The following ATG3 variants were observed in gnomAD, a reference collection of about 807,000 sequenced individuals.
ATG3 encodes autophagy related 3, also known as ubiquitin-like-conjugating enzyme ATG3.
Under a neutral mutation model 50.7 loss-of-function variants are expected in ATG3, and 25 were observed. The ratio of observed to expected loss-of-function variants is 0.49; its 90% CI spans 0.36 to 0.69. The LOEUF (loss-of-function observed/expected upper bound fraction) is 0.69. Among genes scored for constraint, ATG3 ranks in the 30% least tolerant of loss-of-function variants. The probability of loss-of-function intolerance (pLI) is 0.00; values close to 1 mark genes in which losing one functional copy is unlikely to be tolerated. For synonymous variants in ATG3, 119 were observed against 125.5 expected, an observed-to-expected ratio of 0.95 and a Z score of 0.34; for missense variants, 281 against 376.0, an observed-to-expected ratio of 0.75 and a Z score of 2.09.
chr3:112,547,979 CTTTT>C (rs893516783), intron 5 of ATG3, among the ~76,000 whole-genome samples: 1 of 151,992 alleles, frequency 6.6e-6, no homozygotes, highest in Non-Finnish European at 1.5e-5. Flanking sequence ...CTCTGACGGT[CTTTT>C]TTTTCCCTCT....
At position 112,536,291 on chromosome 3, in the gene ATG3, GT is replaced by G. The variant is rs34127416; in HGVS notation, c.794+183del. The G allele has an allele frequency of 2.5e-4, 162 of 653,628 alleles. 2 individuals are homozygous for G. In the South Asian group the frequency reaches 3.7e-3, roughly 15 times the overall value. The allele number at this position is 653,628 out of a possible 1,614,324, so 40.5% of individuals were successfully genotyped here. On this transcript the variant is annotated intron_variant, in intron 10 of 11. Coordinates refer to ENST00000283290, the MANE Select transcript of ATG3 (RefSeq NM_022488.5). ...TATTAAACTTAAAACAAATTGGTAA[GT>G]TTTTTTTCCTTTTTCTTATATATTT... is the stretch of plus-strand genomic sequence containing the variant.
intron 2 of ATG3, among the ~76,000 whole-genome samples, chr3:112,554,956 G>C (rs1559848528): frequency 6.6e-6 from 1 of 152,038 alleles, no homozygotes; most frequent in Non-Finnish European, 1.5e-5. Flanking sequence ...AAAAACAATA[G>C]TCTCTTCCCC....
At chr3:112,539,408 C>CA (rs1321251525) in intron 7 of ATG3, among the ~76,000 whole-genome samples, 1 of 152,158 alleles carries the variant, frequency 6.6e-6, no homozygotes, top group Non-Finnish European at 1.5e-5. Context: ...GTTCCCACCT[C>CA]AGTACCTTTG....
intron 6 of ATG3, among the ~76,000 whole-genome samples, chr3:112,543,175 G>C (rs1457175321): frequency 2.0e-5 from 3 of 151,968 alleles, no homozygotes; most frequent in Non-Finnish European, 2.9e-5. Context: ...TGTAGCAAAA[G>C]TGTCATAAGA....
intron 3 of ATG3, among the ~76,000 whole-genome samples, chr3:112,552,086 T>A (rs528528728): frequency 6.7e-6 from 1 of 149,880 alleles, no homozygotes; most frequent in Admixed American, 6.7e-5. Flanking sequence ...ACATTATCAA[T>A]TGGAAACTTA....
chr3:112,558,494 GCCTGGTGC>G, intron 1 of ATG3, 77 bp from the exon 2 acceptor site: 2 of 1,180,882 alleles, frequency 1.7e-6, no homozygotes, highest in Non-Finnish European at 2.5e-6. Context: ...GCAATTATTT[GCCTGGTGC>G]CCTTCTAGGC....
At chr3:112,556,464 G>A (rs1322910127) in intron 2 of ATG3, among the ~76,000 whole-genome samples, 37 of 151,622 alleles carry the variant, frequency 2.4e-4, no homozygotes, top group Non-Finnish European at 2.5e-4. Flanking sequence ...ACCTCTGCCC[G>A]GCCGCCCCTA....
chr3:112,537,575 A>G (rs1933104145), intron 9 of ATG3, 160 bp downstream of exon 9: 3 of 509,150 alleles, frequency 5.9e-6, no homozygotes, highest in Admixed American at 7.8e-5. Flanking sequence ...TTCATTCAAA[A>G]TAAGAAAGAA....
At chr3:112,539,363 A>C (rs1933162913) in intron 7 of ATG3, among the ~76,000 whole-genome samples, 2 of 152,170 alleles carry the variant, frequency 1.3e-5, no homozygotes, top group South Asian at 4.1e-4. Context: ...TCTGGACATA[A>C]GCATACCTTA....
At position 112,537,838 on chromosome 3, in the gene ATG3, G is replaced by T. The variant is rs754557566; in HGVS notation, c.563C>A (p.Ala188Asp). ...TTGCAAAATAGCATCTTCACCGCCAGCATCAGTTTTGGCTTTACAAGCTTC... is the reference window on the plus strand; with the variant it reads ...TTGCAAAATAGCATCTTCACCGCCATCATCAGTTTTGGCTTTACAAGCTTC... ...IVEACKAKTD[A>D]GGEDAILQTR... The change falls in exon 9 of 12, where the codon GCT becomes GAT. Residue 188 changes from alanine to aspartate, a missense_variant. Coordinates refer to ENST00000283290, the MANE Select transcript of ATG3 (RefSeq NM_022488.5). 3 of 1,612,692 alleles carry T rather than the reference G, an allele frequency of 1.9e-6. No homozygotes were observed. Among genetic ancestry groups the T allele is most frequent in the South Asian group, 1.1e-5 (1 of 90,596 alleles).
At chr3:112,541,688 C>A in intron 7 of ATG3, 115 bp downstream of exon 7, 1 of 851,510 alleles carries the variant, frequency 1.2e-6, no homozygotes, top group Non-Finnish European at 1.9e-6. Flanking sequence ...AAAACACTCA[C>A]TAGGCTGCTA....
intron 8 of ATG3, 83 bp from the exon 9 acceptor site, chr3:112,537,973 A>G: frequency 7.2e-7 from 1 of 1,382,208 alleles, no homozygotes; most frequent in South Asian, 1.3e-5. Context: ...TTTCCATTCT[A>G]TATTTTGTTT....
chr3:112,555,148 C>T (rs1933631103), intron 2 of ATG3, among the ~76,000 whole-genome samples: 1 of 152,062 alleles, frequency 6.6e-6, no homozygotes, highest in Non-Finnish European at 1.5e-5. Flanking sequence ...ATCTCATAGT[C>T]CCTATAGTAT....
intron 5 of ATG3, among the ~76,000 whole-genome samples, chr3:112,547,231 T>C (rs146849832): frequency 6.6e-6 from 1 of 152,214 alleles, no homozygotes; most frequent in Non-Finnish European, 1.5e-5. Context: ...CATTCTACAA[T>C]GCACAGAAAA....
At chr3:112,549,842 T>C (rs1290291998) in intron 4 of ATG3, among the ~76,000 whole-genome samples, 2 of 151,986 alleles carry the variant, frequency 1.3e-5, no homozygotes, top group African/African-American at 4.8e-5. Flanking sequence ...AAAATATTTT[T>C]GTGTCCTTCA....
In ATG3 at chr3:112,550,154, T is replaced by C. The variant is rs753832116; in HGVS notation, c.235+38A>G. 2.7e-6 allele frequency: 4 copies of C among 1,481,302 alleles called. No homozygotes were observed. The East Asian group carries it at 6.9e-5, about 26-fold the overall frequency. The allele number at this position is 1,481,302 out of a possible 1,614,324, so 91.8% of individuals were successfully genotyped here. ...CGAGAGCTTCATTTTAATATACCTC[T>C]ACGCAAAATTTATTCATATATGCAA... On this transcript the variant is annotated intron_variant, in intron 4 of 11. Coordinates refer to ENST00000283290, the MANE Select transcript of ATG3 (RefSeq NM_022488.5).
At chr3:112,550,338 T>A in intron 3 of ATG3, 76 bp from the exon 4 acceptor site, 1 of 1,181,036 alleles carries the variant, frequency 8.5e-7, no homozygotes, top group Non-Finnish European at 1.2e-6. Context: ...GTATTGCATA[T>A]AAATCTCAAA....
chr3:112,546,710 A>C (rs1933379527), intron 5 of ATG3, among the ~76,000 whole-genome samples: 1 of 152,222 alleles, frequency 6.6e-6, no homozygotes, highest in South Asian at 2.1e-4. Context: ...CTAACTTGAC[A>C]TCAAAAACAA....
In ATG3 at chr3:112,561,891, G is replaced by A. The variant is rs1933908367; in HGVS notation, c.-363C>T. 1 of 254,750 alleles carries A rather than the reference G, an allele frequency of 3.9e-6. No individual in the cohort carries two copies. Among genetic ancestry groups the A allele is most frequent in the Non-Finnish European group, 7.6e-6 (1 of 132,112 alleles). 15.8% of individuals were successfully genotyped at this position (254,750 alleles called of 1,614,324 possible). A position where few individuals can be genotyped will look rare whatever the true frequency, so the allele number is the denominator to read the frequency against. On this transcript the variant is annotated 5_prime_UTR_variant, in exon 1 of 12. Transcript: ENST00000283290. ...TCTGTCCTCGCTTTGCTTCACTCGC[G>A]CCCCTTCCGGCTTCCCTTCCTTCTC...
Sources: gnomAD v4.1 joint callset for allele counts (sites outside exome capture counted in the v4.1 genomes callset) on GRCh38, gnomAD v4.1.1 for gene constraint, MANE v1.5 for transcripts, NCBI Gene and HGNC (gene_info 2026-07-23, HGNC 2026-07-21) for gene names.